The following FUBP3 variants were observed in gnomAD, a reference collection of about 807,000 sequenced individuals.
The protein encoded by FUBP3 is far upstream element-binding protein 3.
FUBP3 carries 28 observed loss-of-function variants against 85.6 expected under a neutral mutation model. The observed-to-expected ratio is 0.33, with a 90% CI of 0.24 to 0.45. The LOEUF is 0.45. Among genes scored for constraint, FUBP3 ranks in the 20% least tolerant of loss-of-function variants. The pLI is 1.00. For synonymous variants in FUBP3, 271 were observed against 271.4 expected (o/e 1.00, Z 0.01); for missense variants, 583 against 755.1 (o/e 0.77, Z 2.67).
chr9:130,581,339 C>G (rs959489651), intron 1 of FUBP3: 1 of 152,218 alleles, frequency 6.6e-6, no homozygotes, highest in Admixed American at 6.5e-5. Context: ...GTGTTTACTA[C>G]TAGCAGTGAA....
chr9:130,600,810 A>G (rs965528017), intron 2 of FUBP3, among the ~76,000 whole-genome samples: 1 of 151,540 alleles, frequency 6.6e-6, no homozygotes, highest in African/African-American at 2.4e-5. Context: ...CCATCTCTAC[A>G]AAAAAATGAA....
At chr9:130,591,688 T>C (rs997287841) in intron 1 of FUBP3, among the ~76,000 whole-genome samples, 15 of 152,338 alleles carry the variant, frequency 9.8e-5, no homozygotes, top group African/African-American at 3.4e-4. Flanking sequence ...CCAGCTGTTA[T>C]TCTGTACTAC....
rs1284595857 is a variant in FUBP3, at chr9:130,612,876, T to G, written c.275-80T>G. On this transcript the variant is annotated intron_variant, in intron 4 of 18. Transcript: ENST00000319725. This position sits in a 1 kb window ranked among gnomAD's most constrained non-coding sequence, Gnocchi z 4.1. ...GTATTGTGAGCCAAGTGTCACAGTTTGTGGAATTAATTCAGTCATTCCTGC... is the reference window on the plus strand; with the variant it reads ...GTATTGTGAGCCAAGTGTCACAGTTGGTGGAATTAATTCAGTCATTCCTGC... 3 of 956,812 alleles carry G rather than the reference T, an allele frequency of 3.1e-6. No individual in the cohort carries two copies. The highest frequency in any genetic ancestry group is 2.4e-5 in the East Asian group (1 of 41,722). 59.3% of individuals were successfully genotyped at this position (956,812 alleles called of 1,614,324 possible).
intron 8 of FUBP3, among the ~76,000 whole-genome samples, chr9:130,618,275 G>A (rs1169713178): frequency 2.0e-5 from 3 of 152,122 alleles, no homozygotes; most frequent in African/African-American, 7.2e-5. Flanking sequence ...TTTCCCCCAC[G>A]TCATCCTTCC....
chr9:130,592,665 T>G (rs763216208), intron 1 of FUBP3, among the ~76,000 whole-genome samples: 8 of 152,164 alleles, frequency 5.3e-5, no homozygotes, highest in Admixed American at 2.0e-4. Flanking sequence ...TGCCTCAGCC[T>G]CCTGAGTAGC....
rs1830469326 is a variant in FUBP3 at position 130,637,879 on chromosome 9, T to C, written c.*857T>C. Reference sequence around the variant, plus strand: ...TGTGGAACATTAAACCGTATAAAAATGTAGTTATAACTATTTTTAATTCCA... The same window carrying C: ...TGTGGAACATTAAACCGTATAAAAACGTAGTTATAACTATTTTTAATTCCA... On this transcript the variant is annotated 3_prime_UTR_variant, in exon 19 of 19. Transcript: ENST00000319725. The C allele has an allele frequency of 6.6e-6, 1 of 152,662 alleles. No individual in the cohort carries two copies. The highest frequency in any genetic ancestry group is 1.5e-5 in the Non-Finnish European group (1 of 68,052). 9.5% of individuals were successfully genotyped at this position (152,662 alleles called of 1,614,324 possible). A position where few individuals can be genotyped will look rare whatever the true frequency, so the allele number is the denominator to read the frequency against.
At chr9:130,626,642 A>G in intron 12 of FUBP3, 137 bp downstream of exon 12, 1 of 808,032 alleles carries the variant, frequency 1.2e-6, no homozygotes, top group South Asian at 1.8e-5. Context: ...GGCAGTAGCC[A>G]CCTTCTGCCG....
chr9:130,631,231 A>G (rs537473572), intron 13 of FUBP3: 150 of 1,273,818 alleles, frequency 1.2e-4, no homozygotes, highest in African/African-American at 3.0e-4. Context: ...GCTCACCTCA[A>G]TGGGGACGTA....
At chr9:130,602,746 A>T (rs955554493) in intron 2 of FUBP3, among the ~76,000 whole-genome samples, 3 of 152,032 alleles carry the variant, frequency 2.0e-5, no homozygotes, top group Non-Finnish European at 4.4e-5. Context: ...TGAGGCTGGG[A>T]TGTGGTTGGG....
intron 1 of FUBP3, among the ~76,000 whole-genome samples, chr9:130,588,896 A>C (rs1394648464): frequency 6.6e-6 from 1 of 152,198 alleles, no homozygotes; most frequent in Non-Finnish European, 1.5e-5. Context: ...AGAGTCTTGC[A>C]GTCCAACCTA....
intron 1 of FUBP3, among the ~76,000 whole-genome samples, chr9:130,590,215 C>A (rs189840998): frequency 8.5e-5 from 13 of 152,208 alleles, no homozygotes; most frequent in Non-Finnish European, 1.6e-4. Flanking sequence ...CTCCCAAGAT[C>A]ACCTTGTGCA....
chr9:130,604,813 A>G (rs946041503), intron 2 of FUBP3, among the ~76,000 whole-genome samples: 4 of 151,660 alleles, frequency 2.6e-5, no homozygotes, highest in Admixed American at 1.3e-4. Context: ...CAGGGGAATC[A>G]CTTGAACCCA....
At chr9:130,626,192 C>T (rs542045430) in intron 11 of FUBP3, 172 bp from the exon 12 acceptor site, 18 of 635,942 alleles carry the variant, frequency 2.8e-5, no homozygotes, top group East Asian at 1.1e-4. Flanking sequence ...CACCTGTGAT[C>T]GGTGTTAATT....
chr9:130,632,173 G>A (rs767314086), intron 15 of FUBP3, 29 bp from the exon 16 acceptor site: 1 of 1,596,580 alleles, frequency 6.3e-7, no homozygotes, highest in Non-Finnish European at 8.6e-7. Context: ...GCCCCCTATA[G>A]GAACGAGTGA....
chr9:130,633,079 A>T (rs1352580269), intron 16 of FUBP3, among the ~76,000 whole-genome samples: 2 of 152,196 alleles, frequency 1.3e-5, no homozygotes, highest in African/African-American at 4.8e-5. Context: ...GGGTTCTGCC[A>T]CTTCAGCCTT....
At chr9:130,603,746 C>T (rs181388370) in intron 2 of FUBP3, among the ~76,000 whole-genome samples, 2 of 152,294 alleles carry the variant, frequency 1.3e-5, no homozygotes, top group South Asian at 2.1e-4. Flanking sequence ...TTCTTCGCAG[C>T]TGTTAATAGG....
chr9:130,602,936 CA>C (rs1831227794), intron 2 of FUBP3, among the ~76,000 whole-genome samples: 1 of 152,134 alleles, frequency 6.6e-6, no homozygotes, highest in Non-Finnish European at 1.5e-5. Context: ...TCCCGTTCCC[CA>C]CTTTTGGTGT....
Position 130,623,694 on chromosome 9 carries a change from C to T in FUBP3, c.958C>T (p.Leu320=). The change falls in exon 11 of 19, where the codon CTG becomes TTG. Residue 320 remains leucine (L), a synonymous_variant. Coordinates refer to ENST00000319725, the MANE Select transcript of FUBP3 (RefSeq NM_003934.2). ...GCATGCAGCGCATATCATCAGCGAG[C>T]TGATTCTTACAGCCCAGGTGGGTCC... ...CQHAAHIISE[L]ILTAQERDGF... is the part of the protein sequence containing the mutation. 6.2e-7 allele frequency: 1 copy of T among 1,612,430 alleles called. No homozygotes were observed. Among genetic ancestry groups the T allele is most frequent in the Non-Finnish European group, 8.5e-7 (1 of 1,178,686 alleles).
intron 16 of FUBP3, 162 bp from the exon 17 acceptor site, chr9:130,634,505 C>T (rs1202890264): frequency 6.6e-6 from 4 of 607,642 alleles, no homozygotes; most frequent in Non-Finnish European, 1.2e-5. Context: ...CACCCCTTCC[C>T]CCAGCCCTGC....
Sources: gnomAD v4.1 joint callset for allele counts (sites outside exome capture counted in the v4.1 genomes callset) on GRCh38, gnomAD v4.1.1 for gene constraint, Gnocchi (gnomAD v3.1) non-coding constraint, MANE v1.5 for transcripts, NCBI Gene and HGNC (gene_info 2026-07-23, HGNC 2026-07-21) for gene names.